CNTN4: variants seen among roughly 807,000 people sequenced by gnomAD.
CNTN4 encodes contactin-4.
In CNTN4, 77 loss-of-function variants were observed where a neutral mutation model predicts 122.5. The ratio of observed to expected loss-of-function variants is 0.63; its 90% CI spans 0.52 to 0.76. CNTN4 has a LOEUF of 0.76. Ranked by LOEUF, CNTN4 falls within the 30% of genes least tolerant of loss-of-function variation. The probability of loss-of-function intolerance (pLI) is 0.00; values close to 1 mark genes in which losing one functional copy is unlikely to be tolerated. For missense variants in CNTN4, 1,256 were observed against 1,259.1 expected (o/e 1.00, Z 0.04); for synonymous variants, 512 against 447.0 (o/e 1.15, Z -1.83).
intron 3 of CNTN4, among the ~76,000 whole-genome samples, chr3:2,412,564 T>G (rs2047263855): frequency 6.6e-6 from 1 of 152,198 alleles, no homozygotes; most frequent in Non-Finnish European, 1.5e-5. Flanking sequence ...AGTCAACAGT[T>G]CTCGTGTCAG....
At chr3:3,019,114 T>A (rs908618822) in intron 14 of CNTN4, among the ~76,000 whole-genome samples, 2 of 152,036 alleles carry the variant, frequency 1.3e-5, no homozygotes, top group African/African-American at 4.8e-5. Flanking sequence ...GAGTAGAATG[T>A]CAGCTGATAT....
chr3:2,215,121 G>A (rs980403499), intron 2 of CNTN4, among the ~76,000 whole-genome samples: 2 of 152,130 alleles, frequency 1.3e-5, no homozygotes, highest in Non-Finnish European at 2.9e-5. Context: ...TGCCTCTTCA[G>A]ATGTATTAAA....
chr3:3,005,129 G>A (rs1696489546), intron 14 of CNTN4, among the ~76,000 whole-genome samples: 1 of 152,106 alleles, frequency 6.6e-6, no homozygotes, highest in Non-Finnish European at 1.5e-5. Flanking sequence ...TTCCTCTTCA[G>A]TTTAAATTGG....
At chr3:2,114,860 T>G (rs17007861) in intron 2 of CNTN4, among the ~76,000 whole-genome samples, 37,142 of 152,136 alleles carry the variant, frequency 0.24, 4,660 homozygotes, top group East Asian at 0.45. Context: ...CTCTTGTGAG[T>G]GAGGTGCATT....
chr3:2,109,305 C>T (rs1347867179), intron 2 of CNTN4, among the ~76,000 whole-genome samples: 1 of 151,928 alleles, frequency 6.6e-6, no homozygotes, highest in African/African-American at 2.4e-5. Context: ...TTTTGTCTTT[C>T]TTTTGGTTCA....
At chr3:2,316,862 C>T (rs2043118219) in intron 2 of CNTN4, among the ~76,000 whole-genome samples, 1 of 152,108 alleles carries the variant, frequency 6.6e-6, no homozygotes, top group Non-Finnish European at 1.5e-5. Context: ...CTTTAAAATG[C>T]CTATTGATGC....
At chr3:2,808,490 A>G (rs1038491561) in intron 6 of CNTN4, among the ~76,000 whole-genome samples, 4 of 152,190 alleles carry the variant, frequency 2.6e-5, no homozygotes, top group Non-Finnish European at 5.9e-5. Context: ...TGTCAAAGCT[A>G]TAATGAGCAT....
At chr3:2,624,392 A>G (rs996662486) in intron 4 of CNTN4, among the ~76,000 whole-genome samples, 1 of 152,090 alleles carries the variant, frequency 6.6e-6, no homozygotes, top group Admixed American at 6.6e-5. Flanking sequence ...ACTTTGATAT[A>G]TTCAGTACAA....
chr3:2,154,042 A>C (rs1390049225), intron 2 of CNTN4, among the ~76,000 whole-genome samples: 2 of 152,160 alleles, frequency 1.3e-5, no homozygotes, highest in Non-Finnish European at 2.9e-5. Flanking sequence ...ACTTTATTAA[A>C]ATTTACATTC....
intron 3 of CNTN4, among the ~76,000 whole-genome samples, chr3:2,437,354 C>A (rs1484421113): frequency 1.3e-5 from 2 of 152,086 alleles, no homozygotes; most frequent in Non-Finnish European, 1.5e-5. Context: ...AAAATAATAT[C>A]TATTAAGAGA....
At chr3:2,681,956 A>G (rs1021904955) in intron 4 of CNTN4, among the ~76,000 whole-genome samples, 2 of 152,194 alleles carry the variant, frequency 1.3e-5, no homozygotes, top group African/African-American at 2.4e-5. Context: ...GAACAAATAA[A>G]TTCCTCCATT....
chr3:3,037,486 C>A, intron 18 of CNTN4, 158 bp downstream of exon 18: 1 of 995,146 alleles, frequency 1.0e-6, no homozygotes, highest in Non-Finnish European at 1.6e-6. Flanking sequence ...CCAGGAGAAG[C>A]CCAGCTGAAC....
At chr3:2,810,933 T>C (rs1253764399) in intron 6 of CNTN4, among the ~76,000 whole-genome samples, 4 of 151,990 alleles carry the variant, frequency 2.6e-5, no homozygotes, top group African/African-American at 7.3e-5. Flanking sequence ...GGGACAGCTC[T>C]GAATAAGCTT....
chr3:2,290,579 A>G lies in CNTN4; in HGVS notation c.-144-48599A>G, dbSNP rs115790088. On this transcript the variant is annotated intron_variant, in intron 2 of 24. Coordinates refer to ENST00000418658, the MANE Select transcript of CNTN4 (RefSeq NM_175607.3). ...AAAAAATGAGGGGTCCATTCAAGAG[A>G]ATGAAAAAGTTCAGTTTGAATGAAA... is the stretch of plus-strand genomic sequence containing the variant. Among the ~76,000 whole-genome samples, 1,136 of 152,308 alleles carry G rather than the reference A, an allele frequency of 7.5e-3. 12 individuals carry two copies. The highest frequency in any genetic ancestry group is 0.026 in the African/African-American group (1,091 of 41,556).
At chr3:2,692,877 C>A (rs1021333758) in intron 4 of CNTN4, among the ~76,000 whole-genome samples, 2 of 151,686 alleles carry the variant, frequency 1.3e-5, no homozygotes, top group Non-Finnish European at 2.9e-5. Context: ...AATATGGTAG[C>A]CTAAAAAAAC....
chr3:2,689,370 A>G (rs956258022), intron 4 of CNTN4, among the ~76,000 whole-genome samples: 37 of 152,168 alleles, frequency 2.4e-4, no homozygotes, highest in African/African-American at 8.4e-4. Context: ...TAGCTTGGAT[A>G]GCACCTCCCT....
At chr3:2,765,606 G>T (rs186654637) in intron 6 of CNTN4, among the ~76,000 whole-genome samples, 123 of 152,168 alleles carry the variant, frequency 8.1e-4, no homozygotes, top group African/African-American at 2.9e-3. Flanking sequence ...AATTAAATAT[G>T]GGATAGCTAT....
chr3:3,049,047 T>C (rs1700979318), intron 23 of CNTN4, among the ~76,000 whole-genome samples: 1 of 152,222 alleles, frequency 6.6e-6, no homozygotes, highest in South Asian at 2.1e-4. Flanking sequence ...CTAATACGTC[T>C]ACTAAGCACT....
At chr3:2,250,032 G>T (rs555324170) in intron 2 of CNTN4, among the ~76,000 whole-genome samples, 20 of 151,956 alleles carry the variant, frequency 1.3e-4, no homozygotes, top group African/African-American at 4.6e-4. Flanking sequence ...CCAGTGCTTT[G>T]TGCATTGCTC....
Sources: gnomAD v4.1 joint callset for allele counts (sites outside exome capture counted in the v4.1 genomes callset) on GRCh38, gnomAD v4.1.1 for gene constraint, MANE v1.5 for transcripts, NCBI Gene and HGNC (gene_info 2026-07-23, HGNC 2026-07-21) for gene names.